Variants in PHF24 observed in about 807,000 individuals in gnomAD.
PHF24 encodes Galpha inhibitory interacting protein.
Under a neutral mutation model 42.6 loss-of-function variants are expected in PHF24, and 25 were observed. The ratio of observed to expected loss-of-function variants is 0.59; its 90% CI spans 0.43 to 0.82. The LOEUF is 0.82. PHF24 is among the 40% of genes least tolerant of loss of function. The probability of loss-of-function intolerance (pLI) is 0.00; values close to 1 mark genes in which losing one functional copy is unlikely to be tolerated. For synonymous variants in PHF24, 185 were observed against 204.8 expected (o/e 0.90, Z 0.83); for missense variants, 470 against 538.1 (o/e 0.87, Z 1.25).
the PHF24 span, among the ~76,000 whole-genome samples, chr9:34,733,395 T>G: frequency 6.6e-6 from 1 of 152,134 alleles, no homozygotes; most frequent in Non-Finnish European, 1.5e-5. Context: ...CAGAAATACT[T>G]TTTCTCAGTT....
the PHF24 span, among the ~76,000 whole-genome samples, chr9:34,705,573 G>A: frequency 6.4e-4 from 98 of 152,292 alleles, no homozygotes; most frequent in Admixed American, 1.4e-3. Context: ...AAGCCACTGC[G>A]CCTGGCCTTG....
At chr9:34,963,103 CTG>C in intron 1 of PHF24, among the ~76,000 whole-genome samples, 1 of 152,252 alleles carries the variant, frequency 6.6e-6, no homozygotes, top group Middle Eastern at 3.4e-3. Context: ...TTCTAGGCTA[CTG>C]CCAGGTGACA....
the PHF24 span, among the ~76,000 whole-genome samples, chr9:34,717,060 A>G: frequency 6.6e-6 from 1 of 152,208 alleles, no homozygotes; most frequent in African/African-American, 2.4e-5. Context: ...TGATCCAGCT[A>G]GAGGAGGGAG....
At chr9:34,731,911 C>T in the PHF24 span, among the ~76,000 whole-genome samples, 14 of 151,902 alleles carry the variant, frequency 9.2e-5, no homozygotes, top group African/African-American at 2.2e-4. Flanking sequence ...AGTGCAGTGG[C>T]GTGATCATGG....
chr9:34,955,923 T>A (rs79754976), upstream of PHF24, among the ~76,000 whole-genome samples: 4 of 152,322 alleles, frequency 2.6e-5, no homozygotes, highest in East Asian at 7.7e-4. Context: ...CTCCTCAACA[T>A]GAGAAAAACT....
At chr9:34,850,079 C>A in the PHF24 span, among the ~76,000 whole-genome samples, 1 of 152,156 alleles carries the variant, frequency 6.6e-6, no homozygotes, top group Non-Finnish European at 1.5e-5. Context: ...AATTATATGT[C>A]TTGGAGTTGC....
chr9:34,691,033 A>G, the PHF24 span: 1 of 1,435,274 alleles, frequency 7.0e-7, no homozygotes, highest in South Asian at 1.2e-5. Context: ...TGAGATCTAG[A>G]CATTACCCAC....
At chr9:34,695,586 C>A in the PHF24 span, among the ~76,000 whole-genome samples, 17 of 152,252 alleles carry the variant, frequency 1.1e-4, no homozygotes, top group African/African-American at 1.4e-4. Context: ...AGTAGGGGGG[C>A]AGTCTTGTGG....
the PHF24 span, among the ~76,000 whole-genome samples, chr9:34,683,065 CTTTT>C: frequency 6.9e-6 from 1 of 144,660 alleles, no homozygotes. Context: ...TTCTTTCTCT[CTTTT>C]TTTTTTTTTG....
the PHF24 span, among the ~76,000 whole-genome samples, chr9:34,755,221 G>T: frequency 6.6e-6 from 1 of 152,178 alleles, no homozygotes; most frequent in Non-Finnish European, 1.5e-5. Flanking sequence ...TGGATTGTTT[G>T]TAAGACAAAG....
chr9:34,833,540 G>A, the PHF24 span: 3 of 1,551,626 alleles, frequency 1.9e-6, no homozygotes, highest in Non-Finnish European at 2.6e-6. Context: ...TATGTTCTCT[G>A]GTGCTGCAGC....
the PHF24 span, among the ~76,000 whole-genome samples, chr9:34,760,622 G>A: frequency 6.6e-6 from 1 of 152,188 alleles, no homozygotes; most frequent in Admixed American, 6.5e-5. Context: ...GCGAGTAGCG[G>A]TAGACGGCAG....
chr9:34,882,925 A>G, the PHF24 span, among the ~76,000 whole-genome samples: 1 of 152,216 alleles, frequency 6.6e-6, no homozygotes, highest in Non-Finnish European at 1.5e-5. Context: ...AAGCCAAAAG[A>G]ACAAAGCTGG....
At chr9:34,809,698 G>A in the PHF24 span, among the ~76,000 whole-genome samples, 1 of 152,248 alleles carries the variant, frequency 6.6e-6, no homozygotes, top group Non-Finnish European at 1.5e-5. The surrounding 1 kb of genome is among the most constrained non-coding windows in gnomAD (Gnocchi z 4.1). Context: ...ACGGGCAGGA[G>A]CGGAACAAAG....
chr9:34,836,720 G>T, the PHF24 span, among the ~76,000 whole-genome samples: 2 of 152,196 alleles, frequency 1.3e-5, no homozygotes, highest in Admixed American at 1.3e-4. Flanking sequence ...GGATGTAGCT[G>T]TAAAGAGAAT....
chr9:34,717,604 G>A, the PHF24 span, among the ~76,000 whole-genome samples: 151 of 152,310 alleles, frequency 9.9e-4, 5 homozygotes, highest in African/African-American at 3.5e-3. Flanking sequence ...GAGACCAGGG[G>A]TATGCACGTG....
At chr9:34,817,398 C>T in the PHF24 span, among the ~76,000 whole-genome samples, 3 of 152,078 alleles carry the variant, frequency 2.0e-5, no homozygotes, top group Non-Finnish European at 4.4e-5. Flanking sequence ...GTGCACATCA[C>T]TGTGCCCAGC....
the PHF24 span, among the ~76,000 whole-genome samples, chr9:34,772,879 T>C: frequency 3.2e-4 from 49 of 152,206 alleles, no homozygotes; most frequent in Non-Finnish European, 4.6e-4. Context: ...TTTACAAATA[T>C]GTGTATATAT....
the PHF24 span, chr9:34,665,707 G>C: frequency 5.7e-6 from 4 of 700,630 alleles, no homozygotes; most frequent in Admixed American, 8.0e-5. Context: ...TTGAATCAGG[G>C]ATTCCCTAGC....
Sources: gnomAD v4.1 joint callset for allele counts (sites outside exome capture counted in the v4.1 genomes callset) on GRCh38, gnomAD v4.1.1 for gene constraint, Gnocchi (gnomAD v3.1) non-coding constraint, MANE v1.5 for transcripts, NCBI Gene and HGNC (gene_info 2026-07-23, HGNC 2026-07-21) for gene names.